Variants in PTDSS1 observed in about 807,000 individuals in gnomAD.
PTDSS1 encodes the protein phosphatidylserine synthase 1.
PTDSS1 carries 45 observed loss-of-function variants against 70.5 expected under a neutral mutation model. The observed-to-expected ratio is 0.64, with a 90% CI of 0.50 to 0.82. The LOEUF is 0.82. Ranked by LOEUF, PTDSS1 falls within the 40% of genes least tolerant of loss-of-function variation. PTDSS1 has a pLI of 0.00. For missense variants in PTDSS1, 417 were observed against 586.1 expected, an observed-to-expected ratio of 0.71 and a Z score of 2.98; for synonymous variants, 188 against 203.8, an observed-to-expected ratio of 0.92 and a Z score of 0.66.
At chr8:96,312,794 A>G (rs59255143) in intron 9 of PTDSS1, among the ~76,000 whole-genome samples, 2,327 of 152,260 alleles carry the variant, frequency 0.015, 67 homozygotes, top group African/African-American at 0.053. Flanking sequence ...AAGGTGAAAC[A>G]GGAGCCACAG....
chr8:96,283,284 T>A (rs1810769349), intron 2 of PTDSS1, among the ~76,000 whole-genome samples: 1 of 152,166 alleles, frequency 6.6e-6, no homozygotes, highest in African/African-American at 2.4e-5. Flanking sequence ...TCCGCAAGTG[T>A]AGGAAGGCTG....
At chr8:96,332,072 C>G (rs1163304979) in intron 12 of PTDSS1, among the ~76,000 whole-genome samples, 1 of 143,222 alleles carries the variant, frequency 7.0e-6, no homozygotes, top group African/African-American at 2.6e-5. Flanking sequence ...GGAGGAAAAG[C>G]CTTTCAAAAG....
intron 1 of PTDSS1, among the ~76,000 whole-genome samples, chr8:96,265,639 G>A (rs2129983123): frequency 6.6e-6 from 1 of 152,192 alleles, no homozygotes; most frequent in South Asian, 2.1e-4. Flanking sequence ...TGGGCGTGGT[G>A]GCATGCACCT....
chr8:96,272,322 T>A (rs112021798), intron 1 of PTDSS1, among the ~76,000 whole-genome samples: 6,211 of 152,268 alleles, frequency 0.041, 433 homozygotes, highest in African/African-American at 0.14. Flanking sequence ...AATCTTTAAT[T>A]TTAATTTTTT....
chr8:96,300,414 C>A (rs935352467), intron 6 of PTDSS1, among the ~76,000 whole-genome samples: 15 of 152,276 alleles, frequency 9.9e-5, no homozygotes, highest in African/African-American at 3.4e-4. Flanking sequence ...ACCCATAGGC[C>A]AGCCTGATCA....
At chr8:96,272,567 T>C (rs1810581934) in intron 1 of PTDSS1, among the ~76,000 whole-genome samples, 1 of 152,214 alleles carries the variant, frequency 6.6e-6, no homozygotes, top group Non-Finnish European at 1.5e-5. Context: ...GTCTTCAGTG[T>C]CTAGCAGACC....
At chr8:96,263,395 G>C (rs1354258328) in intron 1 of PTDSS1, among the ~76,000 whole-genome samples, 2 of 150,242 alleles carry the variant, frequency 1.3e-5, no homozygotes, top group Non-Finnish European at 2.9e-5. Context: ...GAGTAGAGTA[G>C]TTTTTGAGCC....
chr8:96,309,724 T>C (rs1303226395), intron 9 of PTDSS1, 102 bp downstream of exon 9: 9 of 1,088,440 alleles, frequency 8.3e-6, no homozygotes, highest in Non-Finnish European at 1.2e-5. Context: ...ATAATTTTTC[T>C]ATGAAGACAG....
intron 2 of PTDSS1, among the ~76,000 whole-genome samples, chr8:96,278,427 T>A (rs1810681253): frequency 6.6e-6 from 1 of 152,036 alleles, no homozygotes; most frequent in African/African-American, 2.4e-5. Context: ...TAGGATTAGG[T>A]CCCAGAGTTC....
intron 3 of PTDSS1, among the ~76,000 whole-genome samples, chr8:96,285,877 G>A (rs755748445): frequency 3.9e-5 from 6 of 152,172 alleles, no homozygotes; most frequent in Admixed American, 1.3e-4. Flanking sequence ...AGTGGGGGGC[G>A]TTTGTGGTGA....
chr8:96,321,605 T>C (rs1410070046), intron 10 of PTDSS1, among the ~76,000 whole-genome samples: 1 of 152,252 alleles, frequency 6.6e-6, no homozygotes, highest in Non-Finnish European at 1.5e-5. Flanking sequence ...ACATATTTCT[T>C]TGTCCTCTGT....
At chr8:96,283,991 A>C (rs1321072428) in intron 2 of PTDSS1, 118 bp from the exon 3 acceptor site, 2 of 777,508 alleles carry the variant, frequency 2.6e-6, no homozygotes, top group East Asian at 2.8e-5. Flanking sequence ...AAAAAAAAAA[A>C]CTTTTAACAG....
chr8:96,311,899 G>A (rs1294606417), intron 9 of PTDSS1, among the ~76,000 whole-genome samples: 1 of 152,218 alleles, frequency 6.6e-6, no homozygotes, highest in Non-Finnish European at 1.5e-5. Context: ...GATTGTCCAA[G>A]GAGGAAATGG....
intron 11 of PTDSS1, 69 bp from the exon 12 acceptor site, chr8:96,330,957 C>A: frequency 1.4e-6 from 2 of 1,384,752 alleles, no homozygotes; most frequent in Admixed American, 1.7e-5. Context: ...AGCATGCTCG[C>A]CTTTTTGCCC....
intron 3 of PTDSS1, among the ~76,000 whole-genome samples, chr8:96,286,227 A>G (rs1299729866): frequency 1.3e-5 from 2 of 152,204 alleles, no homozygotes; most frequent in African/African-American, 2.4e-5. Flanking sequence ...TCTAATTCCA[A>G]TGAGTTCAAG....
chr8:96,313,695 C>T (rs974724813), intron 9 of PTDSS1, among the ~76,000 whole-genome samples: 1 of 152,178 alleles, frequency 6.6e-6, no homozygotes, highest in African/African-American at 2.4e-5. Context: ...TCCTGCCTCC[C>T]AGAGGCAGCC....
At chr8:96,316,011 C>T (rs1811283113) in intron 9 of PTDSS1, among the ~76,000 whole-genome samples, 1 of 152,190 alleles carries the variant, frequency 6.6e-6, no homozygotes, top group Admixed American at 6.5e-5. Flanking sequence ...CTAAACTAGC[C>T]ACTCTTTGAG....
intron 10 of PTDSS1, among the ~76,000 whole-genome samples, chr8:96,321,733 C>T (rs533292979): frequency 6.8e-4 from 104 of 151,900 alleles, no homozygotes; most frequent in African/African-American, 2.3e-3. Flanking sequence ...TGTCTTTTAT[C>T]GCCTTTAACG....
At chr8:96,273,885 T>C (rs1810602430) in intron 2 of PTDSS1, among the ~76,000 whole-genome samples, 1 of 152,174 alleles carries the variant, frequency 6.6e-6, no homozygotes, top group African/African-American at 2.4e-5. Context: ...AGGATATGAA[T>C]TTTCATCAGC....
Sources: allele counts gnomAD v4.1 joint callset (sites outside exome capture counted in the v4.1 genomes callset), GRCh38; gene constraint gnomAD v4.1.1; transcripts MANE v1.5; gene names NCBI Gene and HGNC (gene_info 2026-07-23, HGNC 2026-07-21).